The following UBE3C variants were observed in gnomAD, a reference collection of about 807,000 sequenced individuals.
The protein encoded by UBE3C is ubiquitin-protein ligase E3C.
UBE3C carries 42 observed loss-of-function variants against 129.4 expected under a neutral mutation model. That is an observed-to-expected ratio of 0.32 (90% CI 0.25 to 0.42). UBE3C has a LOEUF of 0.42. Ranked by LOEUF, UBE3C falls within the 10% of genes least tolerant of loss-of-function variation. UBE3C has a pLI of 1.00. For missense variants in UBE3C, 1,049 were observed against 1,319.1 expected (o/e 0.80, Z 3.17); for synonymous variants, 510 against 492.4 (o/e 1.04, Z -0.47).
intron 1 of UBE3C, among the ~76,000 whole-genome samples, chr7:157,160,968 A>C (rs753494739): frequency 3.4e-4 from 51 of 152,220 alleles, no homozygotes; most frequent in Non-Finnish European, 6.3e-4. Context: ...TACTGTAATC[A>C]TGAGAGTATT....
intron 19 of UBE3C, among the ~76,000 whole-genome samples, chr7:157,249,712 A>G (rs1796573567): frequency 6.6e-6 from 1 of 152,202 alleles, no homozygotes; most frequent in African/African-American, 2.4e-5. Context: ...TGGATATACC[A>G]CAAGGTCTTT....
intron 22 of UBE3C, among the ~76,000 whole-genome samples, chr7:157,260,750 T>C (rs1041346956): frequency 6.6e-6 from 1 of 152,234 alleles, no homozygotes; most frequent in Non-Finnish European, 1.5e-5. Flanking sequence ...CACTGGAAGA[T>C]GCAGAGACTT....
chr7:157,195,575 A>G (rs28435188), intron 10 of UBE3C, among the ~76,000 whole-genome samples: 9,325 of 152,206 alleles, frequency 0.061, 387 homozygotes, highest in African/African-American at 0.12. Context: ...AGGAATGTGT[A>G]TAGCTGTTAC....
intron 11 of UBE3C, among the ~76,000 whole-genome samples, chr7:157,204,802 G>A (rs1016419185): frequency 1.3e-5 from 2 of 152,202 alleles, no homozygotes; most frequent in African/African-American, 4.8e-5. Flanking sequence ...AGTAGGTGCT[G>A]GTGTTGGCTG....
intron 18 of UBE3C, among the ~76,000 whole-genome samples, chr7:157,235,177 AAAAC>A (rs1796123565): frequency 6.6e-6 from 1 of 152,154 alleles, no homozygotes; most frequent in African/African-American, 2.4e-5. Context: ...CAACAAGAGC[AAAAC>A]TCTGTCTCAA....
intron 18 of UBE3C, among the ~76,000 whole-genome samples, chr7:157,241,827 C>A (rs1400758599): frequency 6.6e-6 from 1 of 152,146 alleles, no homozygotes; most frequent in African/African-American, 2.4e-5. Flanking sequence ...TATTACTGGG[C>A]CGTAAAAAGG....
In UBE3C at chr7:157,231,300, C is replaced by T. The variant is rs779247325; in HGVS notation, c.2454C>T (p.Tyr818=). 1 of 1,614,092 alleles carries T rather than the reference C, an allele frequency of 6.2e-7. No homozygotes were observed. Among genetic ancestry groups the T allele is most frequent in the Admixed American group, 1.7e-5 (1 of 60,014 alleles). Residue 818 remains tyrosine, a synonymous_variant, in exon 18 of 23, where the codon TAC becomes TAT. Coordinates refer to ENST00000348165, the MANE Select transcript of UBE3C (RefSeq NM_014671.3). ...TGGGAGATTCTTTTGCCAGACATTA[C>T]TACTTCCTAGGCAGAATGCTTGGAA... The part of the protein sequence containing the change: ...MLVGDSFARH[Y]YFLGRMLGKA...
chr7:157,192,204 A>T (rs1808987078), intron 10 of UBE3C, among the ~76,000 whole-genome samples: 1 of 152,208 alleles, frequency 6.6e-6, no homozygotes, highest in Admixed American at 6.5e-5. Flanking sequence ...TGTGAATGAT[A>T]ATTGTTTCCC....
intron 10 of UBE3C, among the ~76,000 whole-genome samples, chr7:157,193,739 A>G (rs1210920743): frequency 6.6e-6 from 1 of 151,874 alleles, no homozygotes; most frequent in African/African-American, 2.4e-5. Context: ...TGCATCATGC[A>G]AAATGACTGA....
chr7:157,201,003 C>T lies in UBE3C; in HGVS notation c.1332-718C>T, dbSNP rs559428483. Among the ~76,000 whole-genome samples, 402 of 152,110 alleles carry T rather than the reference C, an allele frequency of 2.6e-3. 2 individuals carry two copies. The highest frequency in any genetic ancestry group is 1.6e-3 in the African/African-American group (68 of 41,514). On this transcript the variant is annotated intron_variant, in intron 10 of 22. Transcript: ENST00000348165. Reference sequence around the variant, plus strand: ...TATTTCAAGAAAAGTGACTTGAGTCCGTCACTAAATATTTTACAAATTTTA... The same window carrying T: ...TATTTCAAGAAAAGTGACTTGAGTCTGTCACTAAATATTTTACAAATTTTA...
At chr7:157,205,090 A>G (rs1809396535) in intron 11 of UBE3C, among the ~76,000 whole-genome samples, 2 of 152,232 alleles carry the variant, frequency 1.3e-5, no homozygotes, top group African/African-American at 4.8e-5. Flanking sequence ...CTTTATTTGC[A>G]CATAAGTCTT....
chr7:157,259,292 C>T (rs1197067433), intron 22 of UBE3C, among the ~76,000 whole-genome samples: 1 of 152,216 alleles, frequency 6.6e-6, no homozygotes, highest in Non-Finnish European at 1.5e-5. Context: ...CAGGACCACA[C>T]GTTGCATTTA....
intron 16 of UBE3C, 63 bp downstream of exon 16, chr7:157,223,414 A>G: frequency 1.4e-6 from 2 of 1,416,880 alleles, no homozygotes; most frequent in African/African-American, 1.4e-5. Context: ...ATTAACACAC[A>G]CCCACCAGAG....
At chr7:157,181,743 ATG>A in intron 7 of UBE3C, 72 bp downstream of exon 7, 1 of 1,535,726 alleles carries the variant, frequency 6.5e-7, no homozygotes, top group Non-Finnish European at 8.8e-7. Context: ...TTTACATAGG[ATG>A]TGATTTTAAA....
rs1296981724 is a variant in UBE3C, at chr7:157,178,763, G to A, written c.532G>A (p.Glu178Lys). 1.9e-6 allele frequency: 3 copies of A among 1,614,218 alleles called. No individual in the cohort carries two copies. The highest frequency in any genetic ancestry group is 3.3e-5 in the Admixed American group (2 of 60,026). The change falls in exon 6 of 23, where the codon GAG (glutamate) becomes AAG (lysine). Residue 178 changes from glutamate to lysine, a missense_variant. Around this residue, in one of 4 missense-constraint regions of UBE3C, gnomAD observed 489 missense variants for 513.8 expected, o/e 0.95. Coordinates refer to ENST00000348165, the MANE Select transcript of UBE3C (RefSeq NM_014671.3). ...PMRMLEVFSSENTYLPVLQDA... is the reference protein window; with the variant it reads ...PMRMLEVFSSKNTYLPVLQDA... ...GAGAATGCTTGAAGTATTTTCGTCTGAGAATACTTACTTGCCTGTTTTACA... is the reference window on the plus strand; with the variant it reads ...GAGAATGCTTGAAGTATTTTCGTCTAAGAATACTTACTTGCCTGTTTTACA...
At chr7:157,143,424 G>A (rs1807514031) in intron 1 of UBE3C, among the ~76,000 whole-genome samples, 1 of 152,222 alleles carries the variant, frequency 6.6e-6, no homozygotes, top group Non-Finnish European at 1.5e-5. Context: ...CACCCAGATA[G>A]CAGGTATCAC....
rs551768592 is a variant in UBE3C, at chr7:157,180,181, C to T, written c.616+1334C>T. On this transcript the variant is annotated intron_variant, in intron 6 of 22. Coordinates refer to ENST00000348165, the MANE Select transcript of UBE3C (RefSeq NM_014671.3). ...TTCTAACAGTCGATAAAATTTTAGC[C>T]TTTTAAATTATAGTATTACCATTAT... 2.6e-3 allele frequency among the ~76,000 whole-genome samples: 400 copies of T among 152,254 alleles called. 4 individuals carry two copies. Among genetic ancestry groups the T allele is most frequent in the African/African-American group, 9.4e-3 (391 of 41,560 alleles).
At chr7:157,223,232 A>C (rs1440571286) in intron 15 of UBE3C, 22 bp from the exon 16 acceptor site, 1 of 1,611,522 alleles carries the variant, frequency 6.2e-7, no homozygotes, top group Non-Finnish European at 8.5e-7. Context: ...TGAACTAATT[A>C]AGGTTTTAAA....
At chr7:157,147,313 G>A (rs1164294667) in intron 1 of UBE3C, among the ~76,000 whole-genome samples, 2 of 152,124 alleles carry the variant, frequency 1.3e-5, no homozygotes, top group Admixed American at 6.6e-5. Context: ...TTGTGTTTCA[G>A]TTTCAAATTC....
Sources: allele counts gnomAD v4.1 joint callset (sites outside exome capture counted in the v4.1 genomes callset), GRCh38; gene constraint gnomAD v4.1.1; regional missense constraint gnomAD v4.1.1; transcripts MANE v1.5; gene names NCBI Gene and HGNC (gene_info 2026-07-23, HGNC 2026-07-21).